Variants in CTNND1 observed in about 807,000 individuals in gnomAD.
CTNND1 encodes catenin delta-1.
A neutral mutation model predicts 112.1 loss-of-function variants in CTNND1; 16 were observed. The observed-to-expected ratio is 0.14, with a 90% CI of 0.10 to 0.22. CTNND1 has a LOEUF of 0.22. Ranked by LOEUF, CTNND1 falls within the 10% of genes least tolerant of loss-of-function variation. The pLI is 1.00. For synonymous variants in CTNND1, 420 were observed against 446.5 expected (o/e 0.94, Z 0.75); for missense variants, 1,008 against 1,257.0 (o/e 0.80, Z 3.00).
intron 1 of CTNND1, among the ~76,000 whole-genome samples, chr11:57,762,559 G>T (rs548987015): frequency 2.0e-5 from 3 of 152,180 alleles, no homozygotes; most frequent in Middle Eastern, 3.4e-3. Context: ...GTGGAAAGTT[G>T]CAGGGAGCTT....
chr11:57,809,240 A>G (rs2063057171), intron 14 of CTNND1, 34 bp from the exon 15 acceptor site: 2 of 1,544,090 alleles, frequency 1.3e-6, no homozygotes, highest in Non-Finnish European at 1.8e-6. Context: ...ACCTGACTTG[A>G]TCTTTTCTCC....
chr11:57,801,737 T>A lies in CTNND1; in HGVS notation c.961T>A (p.Tyr321Asn), dbSNP rs1445417963. Reference protein sequence around the residue: ...PSDPRRRLRSYEDMIGEEVPS... With the variant: ...PSDPRRRLRSNEDMIGEEVPS... ...GGTTCTTCCAAAACTTCTCAGGAGC[T>A]ATGAAGACATGATTGGTGAGGAGGT... Residue 321 changes from tyrosine (Y) to asparagine (N), a missense_variant, in exon 7 of 21, where the codon TAT (tyrosine) becomes AAT (asparagine). Tyr to Asn is a moderately radical substitution (Grantham distance 143). Coordinates refer to ENST00000399050, the MANE Select transcript of CTNND1 (RefSeq NM_001085458.2). The A allele has an allele frequency of 1.2e-6, 2 of 1,610,358 alleles. No homozygotes were observed. Among genetic ancestry groups the A allele is most frequent in the Admixed American group, 1.7e-5 (1 of 59,768 alleles).
At chr11:57,779,197 C>T (rs2059320031) in intron 1 of CTNND1, among the ~76,000 whole-genome samples, 1 of 152,146 alleles carries the variant, frequency 6.6e-6, no homozygotes, top group African/African-American at 2.4e-5. Context: ...TTTTATATCT[C>T]ATCCTTCCAA....
chr11:57,808,247 A>C lies in CTNND1; in HGVS notation c.2046A>C (p.Glu682Asp). ...LKESKTPAIL[E>D]ASAGAIQNLC... ...AGAGCAAGACTCCTGCCATCCTAGA[A>C]GCCTCAGCTGGAGCTATCCAGAACT... is the stretch of plus-strand genomic sequence containing the variant. Residue 682 changes from glutamate (E) to aspartate (D), a missense_variant, in exon 13 of 21, where the codon GAA becomes GAC. Glu to Asp is a conservative substitution (Grantham distance 45, BLOSUM62 2). Transcript: ENST00000399050. 6.2e-7 allele frequency: 1 copy of C among 1,613,950 alleles called. No individual in the cohort carries two copies. Among genetic ancestry groups the C allele is most frequent in the Non-Finnish European group, 8.5e-7 (1 of 1,179,810 alleles).
At chr11:57,814,445 A>G in intron 18 of CTNND1, 72 bp downstream of exon 18, 1 of 1,201,916 alleles carries the variant, frequency 8.3e-7, no homozygotes, top group Non-Finnish European at 1.2e-6. Flanking sequence ...CTAGCTCTAT[A>G]GTTTTTTTTC....
At chr11:57,815,336 T>C (rs1448895591) in intron 18 of CTNND1, 58 bp from the exon 19 acceptor site, 16 of 1,010,316 alleles carry the variant, frequency 1.6e-5, no homozygotes, top group South Asian at 9.6e-5. Flanking sequence ...CTGTTTGATA[T>C]ACGTTTTACA....
intron 3 of CTNND1, among the ~76,000 whole-genome samples, chr11:57,792,216 T>C (rs1002406183): frequency 1.3e-5 from 2 of 152,160 alleles, no homozygotes; most frequent in Non-Finnish European, 2.9e-5. Flanking sequence ...TTAATTCTGT[T>C]GGTTAGAGTT....
Position 57,805,999 on chromosome 11 carries a change from C to A in CTNND1, c.1840C>A (p.His614Asn). 1 of 1,612,070 alleles carries A rather than the reference C, an allele frequency of 6.2e-7. No homozygotes were observed. Among genetic ancestry groups the A allele is most frequent in the Non-Finnish European group, 8.5e-7 (1 of 1,178,924 alleles). The change falls in exon 10 of 21, where the codon CAT (histidine) becomes AAT (asparagine). Residue 614 changes from histidine (H) to asparagine (N), a missense_variant. Transcript: ENST00000399050. ...CAATGTTGCCAACAATACTGGGCCA[C>A]ATGCTGCCAGTTGCTTTGGGGCCAA... ...APNVANNTGP[H>N]AASCFGAKKG... is the part of the protein sequence containing the mutation.
At chr11:57,775,250 T>TA (rs1259682724) in intron 1 of CTNND1, among the ~76,000 whole-genome samples, 1 of 151,418 alleles carries the variant, frequency 6.6e-6, no homozygotes, top group African/African-American at 2.4e-5. Context: ...GTGCCTTTGG[T>TA]CTCAGCTACT....
chr11:57,784,726 G>A (rs1198694281), intron 1 of CTNND1, among the ~76,000 whole-genome samples: 1 of 152,038 alleles, frequency 6.6e-6, no homozygotes, highest in East Asian at 1.9e-4. Context: ...GGCTGGTTTC[G>A]AACTCCTGAA....
intron 1 of CTNND1, among the ~76,000 whole-genome samples, chr11:57,768,054 C>T (rs1375846951): frequency 1.3e-5 from 2 of 151,820 alleles, no homozygotes; most frequent in African/African-American, 2.4e-5. Flanking sequence ...AGGCTGGTCT[C>T]GAACTCCTGA....
intron 17 of CTNND1, among the ~76,000 whole-genome samples, chr11:57,813,189 T>G (rs2063572290): frequency 6.6e-6 from 1 of 151,904 alleles, no homozygotes; most frequent in Non-Finnish European, 1.5e-5. Context: ...CCAGGCATGG[T>G]GGCACATTCC....
At chr11:57,804,497 A>G (rs1222026496) in intron 8 of CTNND1, among the ~76,000 whole-genome samples, 166 bp from the exon 9 acceptor site, 1 of 152,242 alleles carries the variant, frequency 6.6e-6, no homozygotes, top group Non-Finnish European at 1.5e-5. Context: ...TTCAGAAGGC[A>G]GGGACTGTTA....
intron 6 of CTNND1, among the ~76,000 whole-genome samples, chr11:57,798,344 C>CAA (rs71061542): frequency 9.5e-6 from 1 of 105,746 alleles, no homozygotes; most frequent in African/African-American, 3.7e-5. Context: ...GAGACTGTCT[C>CAA]AAAAAAAAAA....
At chr11:57,772,453 G>T (rs1206862162) in intron 1 of CTNND1, among the ~76,000 whole-genome samples, 4 of 152,104 alleles carry the variant, frequency 2.6e-5, no homozygotes, top group Non-Finnish European at 5.9e-5. Flanking sequence ...GTTTCCCCAT[G>T]CCCTGATTGT....
At chr11:57,804,010 C>T in intron 8 of CTNND1, 1 of 412,328 alleles carries the variant, frequency 2.4e-6, no homozygotes, top group African/African-American at 2.0e-5. Context: ...CTTGCTGTTC[C>T]CCACACATCC....
At position 57,796,941 on chromosome 11, in the gene CTNND1, A is replaced by G; in HGVS notation, c.905A>G (p.Tyr302Cys). 6.4e-7 allele frequency: 1 copy of G among 1,553,074 alleles called. No individual in the cohort carries two copies. The highest frequency in any genetic ancestry group is 2.3e-5 in the East Asian group (1 of 44,022). Residue 302 changes from tyrosine (Y) to cysteine (C), a missense_variant, in exon 6 of 21, where the codon TAT (tyrosine) becomes TGT (cysteine). Physicochemically the swap from Tyr to Cys is radical, Grantham distance 194. This residue lies in a region of CTNND1 where 404 missense variants were observed against 457.9 expected (regional missense o/e 0.88). Transcript: ENST00000399050. ...DDLDYGMMSD[Y>C]GTARRTGTPS... is the part of the protein sequence containing the mutation. ...CTGGATTATGGTATGATGTCTGATT[A>G]TGGCACTGCCCGTCGGACTGGGACA...
At chr11:57,801,676 C>A in intron 6 of CTNND1, 57 bp from the exon 7 acceptor site, 1 of 1,443,762 alleles carries the variant, frequency 6.9e-7, no homozygotes, top group Non-Finnish European at 9.5e-7. Context: ...TGGGAATGTC[C>A]AGGAAGCTAG....
chr11:57,786,000 G>C (rs1430466170), intron 1 of CTNND1, among the ~76,000 whole-genome samples: 3 of 152,006 alleles, frequency 2.0e-5, no homozygotes, highest in Admixed American at 2.0e-4. Context: ...TTGGATGAAG[G>C]ATCTTTACTA....
Sources: gnomAD v4.1 joint callset for allele counts (sites outside exome capture counted in the v4.1 genomes callset) on GRCh38, gnomAD v4.1.1 for gene constraint, gnomAD v4.1.1 regional missense constraint, MANE v1.5 for transcripts, NCBI Gene and HGNC (gene_info 2026-07-23, HGNC 2026-07-21) for gene names.